Variants in SPTBN4 observed in about 807,000 individuals in gnomAD.
SPTBN4 encodes the protein spectrin beta chain, non-erythrocytic 4.
A neutral mutation model predicts 277.8 loss-of-function variants in SPTBN4; 96 were observed. The ratio of observed to expected loss-of-function variants is 0.35; its 90% CI spans 0.29 to 0.41. The LOEUF (loss-of-function observed/expected upper bound fraction) is 0.41, where lower values mean the gene tolerates loss of function less well. Ranked by LOEUF, SPTBN4 falls within the 10% of genes least tolerant of loss-of-function variation. The pLI is 1.00. For missense variants in SPTBN4, 3,006 were observed against 3,595.7 expected (o/e 0.84, Z 4.19); for synonymous variants, 1,481 against 1,580.3 (o/e 0.94, Z 1.49).
Position 40,575,470 on chromosome 19 carries a change from C to T in SPTBN4, c.7596C>T (p.Ile2532=), listed in dbSNP as rs2081193055. The T allele has an allele frequency of 6.2e-7, 1 of 1,613,206 alleles. No homozygotes were observed. Among genetic ancestry groups the T allele is most frequent in the Non-Finnish European group, 8.5e-7 (1 of 1,179,838 alleles). ...VASSVAEHAE[I]ARWGQTLPTT... is the part of the protein sequence containing the mutation. Reference sequence around the variant, plus strand: ...CCTCGGTGGCGGAACACGCAGAGATCGCCCGCTGGGGCCAGACACTACCCA... The same window carrying T: ...CCTCGGTGGCGGAACACGCAGAGATTGCCCGCTGGGGCCAGACACTACCCA... Residue 2532 remains isoleucine, a synonymous_variant, in exon 36 of 36, where the codon ATC becomes ATT. Coordinates refer to ENST00000598249, the MANE Select transcript of SPTBN4 (RefSeq NM_020971.3).
chr19:40,474,720 T>G (rs1395158549), intron 2 of SPTBN4, among the ~76,000 whole-genome samples: 3 of 151,880 alleles, frequency 2.0e-5, no homozygotes, highest in African/African-American at 7.3e-5. Context: ...ACCAATATGG[T>G]GACACTACTA....
At chr19:40,573,332 G>A (rs1400317698) in intron 35 of SPTBN4, among the ~76,000 whole-genome samples, 1 of 152,146 alleles carries the variant, frequency 6.6e-6, no homozygotes, top group Admixed American at 6.6e-5. Flanking sequence ...GGGGGTGGGT[G>A]ATCTAGGTAG....
chr19:40,533,990 C>G, intron 19 of SPTBN4, 90 bp from the exon 20 acceptor site: 10 of 1,443,490 alleles, frequency 6.9e-6, no homozygotes, highest in Non-Finnish European at 9.2e-6. Flanking sequence ...CACATCCTTC[C>G]CTGTGTCCTG....
chr19:40,535,991 T>C (rs753430329), intron 20 of SPTBN4, among the ~76,000 whole-genome samples: 4 of 151,976 alleles, frequency 2.6e-5, no homozygotes, highest in Non-Finnish European at 4.4e-5. Context: ...AATAATTAGG[T>C]ACCTACTATG....
At chr19:40,553,191 G>C (rs992787483) in intron 22 of SPTBN4, among the ~76,000 whole-genome samples, 1 of 152,168 alleles carries the variant, frequency 6.6e-6, no homozygotes, top group Non-Finnish European at 1.5e-5. Context: ...CTCAAGAATC[G>C]TTGGCTGGCC....
chr19:40,513,654 G>C (rs537746161), intron 14 of SPTBN4, 100 bp downstream of exon 14: 2 of 1,226,196 alleles, frequency 1.6e-6, no homozygotes, highest in Non-Finnish European at 2.2e-6. Context: ...CTGGAACTAG[G>C]AGTTCCAATC....
intron 27 of SPTBN4, 136 bp from the exon 28 acceptor site, chr19:40,565,287 A>AAAAGG: frequency 8.6e-7 from 1 of 1,166,012 alleles, no homozygotes; most frequent in Non-Finnish European, 1.2e-6. Flanking sequence ...AAAAGAAAAG[A>AAAAGG]AAAGAAAAGA....
At chr19:40,469,100 G>GA (rs112252424) in intron 1 of SPTBN4, among the ~76,000 whole-genome samples, 25,405 of 142,992 alleles carry the variant, frequency 0.18, 2,539 homozygotes, top group African/African-American at 0.29. Context: ...CCTTGTCTCA[G>GA]AAAAAAAAAA....
chr19:40,549,279 G>A lies in SPTBN4; in HGVS notation c.4450G>A (p.Glu1484Lys), dbSNP rs959668724. 1 of 1,544,862 alleles carries A rather than the reference G, an allele frequency of 6.5e-7. No individual in the cohort carries two copies. The highest frequency in any genetic ancestry group is 1.4e-5 in the African/African-American group (1 of 72,956). Residue 1484 changes from glutamate to lysine, a missense_variant, in exon 21 of 36, where the codon GAG (glutamate) becomes AAG (lysine). By Grantham distance (56) the Glu-to-Lys change is moderately conservative. This residue lies in a region of SPTBN4 where 1,759 missense variants were observed against 2,061.5 expected (regional missense o/e 0.85). Coordinates refer to ENST00000598249, the MANE Select transcript of SPTBN4 (RefSeq NM_020971.3). ...GCTGCCGCTGGAGCCGGCGAGCAAG[G>A]AGCTGGTGGGTGAGCGGCAGAACGC... Reference protein sequence around the residue: ...AALPLEPASKELVGERQNAVG... With the variant: ...AALPLEPASKKLVGERQNAVG...
In SPTBN4 at chr19:40,513,423, G is replaced by A; in HGVS notation, c.2634G>A (p.Arg878=). 6.2e-7 allele frequency: 1 copy of A among 1,603,802 alleles called. No homozygotes were observed. The highest frequency in any genetic ancestry group is 1.3e-5 in the African/African-American group (1 of 75,020). The change falls in exon 14 of 36, where the codon CGG becomes CGA. Residue 878 remains arginine (R), a synonymous_variant. Coordinates refer to ENST00000598249, the MANE Select transcript of SPTBN4 (RefSeq NM_020971.3). ...CGGCGCTGAGGCGCCAGTGGCTGCG[G>A]GACGCGCTCGCTGTCTACCGCATGT... ...EVAALRRQWL[R]DALAVYRMFG...
intron 13 of SPTBN4, 61 bp downstream of exon 13, chr19:40,506,447 A>G: frequency 1.3e-6 from 2 of 1,542,698 alleles, no homozygotes; most frequent in Non-Finnish European, 1.8e-6. Context: ...GTGCTAATAG[A>G]GGCAAGAGTG....
intron 11 of SPTBN4, 131 bp from the exon 12 acceptor site, chr19:40,503,699 T>G (rs1270873850): frequency 9.8e-7 from 1 of 1,018,546 alleles, no homozygotes; most frequent in Non-Finnish European, 1.4e-6. Flanking sequence ...GAGGCTGGTC[T>G]CCAGGATAAC....
Position 40,560,325 on chromosome 19 carries a change from G to A in SPTBN4, c.5837G>A (p.Arg1946His), listed in dbSNP as rs370454922. ...GTCAGCTCCACAGCCGACGCCCTGC[G>A]CTTCCACAGCCAAGTCCGCGACCTG... is the stretch of plus-strand genomic sequence containing the variant. ...LHVSSTADAL[R>H]FHSQVRDLLS... Residue 1946 changes from arginine to histidine, a missense_variant, in exon 27 of 36, where the codon CGC becomes CAC. Around this residue, in one of 5 missense-constraint regions of SPTBN4, gnomAD observed 425 missense variants for 594.7 expected, o/e 0.71. Transcript: ENST00000598249. This position sits in a 1 kb window ranked among gnomAD's most constrained non-coding sequence, Gnocchi z 5.2. 1.2e-5 allele frequency: 20 copies of A among 1,613,954 alleles called. No individual in the cohort carries two copies. Among genetic ancestry groups the A allele is most frequent in the Middle Eastern group, 1.6e-4 (1 of 6,084 alleles).
chr19:40,470,427 C>T (rs1395186467), intron 1 of SPTBN4, among the ~76,000 whole-genome samples: 3 of 152,186 alleles, frequency 2.0e-5, no homozygotes, highest in Non-Finnish European at 4.4e-5. Context: ...CTGCCTCAGC[C>T]TCCTGAGTAG....
In SPTBN4 at chr19:40,560,314, C is replaced by G; in HGVS notation, c.5826C>G (p.Ala1942=). 1 of 1,614,122 alleles carries G rather than the reference C, an allele frequency of 6.2e-7. No individual in the cohort carries two copies. The highest frequency in any genetic ancestry group is 1.1e-5 in the South Asian group (1 of 91,084). Residue 1942 remains alanine, a synonymous_variant, in exon 27 of 36, where the codon GCC becomes GCG. Coordinates refer to ENST00000598249, the MANE Select transcript of SPTBN4 (RefSeq NM_020971.3). This position sits in a 1 kb window ranked among gnomAD's most constrained non-coding sequence, Gnocchi z 5.2. The part of the protein sequence containing the change: ...EDARLHVSST[A]DALRFHSQVR... ...CCCGCCTGCATGTCAGCTCCACAGC[C>G]GACGCCCTGCGCTTCCACAGCCAAG...
rs781184989 is a variant in SPTBN4 at position 40,502,918 on chromosome 19, G to A, written c.1347G>A (p.Gln449=). The change falls in exon 11 of 36, where the codon CAG becomes CAA. Residue 449 remains glutamine (Q), a synonymous_variant. Transcript: ENST00000598249. The surrounding 1 kb of genome is among the most constrained non-coding windows in gnomAD (Gnocchi z 4.9). The part of the protein sequence containing the change: ...AMRESWLNEN[Q]RLVSQDNFGY... ...GGGAGAGCTGGCTGAATGAGAACCAGCGTCTGGTCTCCCAGGTACAAGGTG... is the reference window on the plus strand; with the variant it reads ...GGGAGAGCTGGCTGAATGAGAACCAACGTCTGGTCTCCCAGGTACAAGGTG... 4 of 1,613,760 alleles carry A rather than the reference G, an allele frequency of 2.5e-6. No homozygotes were observed. The Admixed American group carries it at 5.0e-5, about 20-fold the overall frequency.
chr19:40,562,766 G>A (rs2081055739), intron 27 of SPTBN4, among the ~76,000 whole-genome samples: 1 of 151,600 alleles, frequency 6.6e-6, no homozygotes, highest in African/African-American at 2.4e-5. Context: ...CCCAGGAGGC[G>A]GAGGTTGCGG....
intron 3 of SPTBN4, among the ~76,000 whole-genome samples, chr19:40,488,504 C>A (rs1244005373): frequency 2.6e-5 from 4 of 152,062 alleles, no homozygotes. Flanking sequence ...GGAATAGGAA[C>A]AAACAGCTGG....
At chr19:40,474,959 T>G (rs1322850281) in intron 2 of SPTBN4, among the ~76,000 whole-genome samples, 1 of 151,920 alleles carries the variant, frequency 6.6e-6, no homozygotes, top group Non-Finnish European at 1.5e-5. Context: ...GGTGTGGAAC[T>G]CCTGGGCTAA....
Sources: gnomAD v4.1 joint callset for allele counts (sites outside exome capture counted in the v4.1 genomes callset) on GRCh38, gnomAD v4.1.1 for gene constraint, gnomAD v4.1.1 regional missense constraint, Gnocchi (gnomAD v3.1) non-coding constraint, MANE v1.5 for transcripts, NCBI Gene and HGNC (gene_info 2026-07-23, HGNC 2026-07-21) for gene names.